WDPCP: variants seen among roughly 807,000 people sequenced by gnomAD.
WDPCP encodes the protein WD repeat-containing and planar cell polarity effector protein fritz homolog.
WDPCP carries 71 observed loss-of-function variants against 93.1 expected under a neutral mutation model. That is an observed-to-expected ratio of 0.76 (90% CI 0.63 to 0.93). The LOEUF is 0.93. WDPCP is among the 40% of genes least tolerant of loss of function. The pLI, the probability that WDPCP is intolerant of heterozygous loss-of-function variation, is 0.00. For missense variants in WDPCP, 844 were observed against 887.4 expected, an observed-to-expected ratio of 0.95 and a Z score of 0.62; for synonymous variants, 315 against 315.0, an observed-to-expected ratio of 1.00 and a Z score of 0.00.
chr2:63,220,735 C>T (rs971942167), intron 14 of WDPCP, among the ~76,000 whole-genome samples: 9 of 151,980 alleles, frequency 5.9e-5, no homozygotes, highest in African/African-American at 2.2e-4. Flanking sequence ...CCAGGATACA[C>T]GTGCAGGATG....
intron 6 of WDPCP, among the ~76,000 whole-genome samples, chr2:63,457,929 T>C (rs1698742162): frequency 6.6e-6 from 1 of 151,902 alleles, no homozygotes; most frequent in Non-Finnish European, 1.5e-5. Flanking sequence ...ATCAAGACCA[T>C]CTTGGCCAAC....
intron 13 of WDPCP, among the ~76,000 whole-genome samples, chr2:63,302,566 A>G (rs945116386): frequency 6.6e-6 from 1 of 152,236 alleles, no homozygotes; most frequent in African/African-American, 2.4e-5. Flanking sequence ...GAAGCCTGAC[A>G]TGCCAACAAA....
At chr2:63,678,456 T>G (rs968827464) in intron 2 of WDPCP, among the ~76,000 whole-genome samples, 2 of 152,220 alleles carry the variant, frequency 1.3e-5, no homozygotes, top group African/African-American at 4.8e-5. Flanking sequence ...CAGCCTCTAA[T>G]GCACAGGAAG....
intron 12 of WDPCP, among the ~76,000 whole-genome samples, chr2:63,342,356 T>C (rs1688904883): frequency 6.6e-6 from 1 of 152,186 alleles, no homozygotes; most frequent in Non-Finnish European, 1.5e-5. Context: ...AAGTATCAAA[T>C]TTAATCTATT....
intron 14 of WDPCP, chr2:63,232,795 A>G (rs1266603015): frequency 6.5e-6 from 1 of 153,782 alleles, no homozygotes; most frequent in African/African-American, 2.4e-5. Flanking sequence ...TTTAATGATA[A>G]TTATAATTGG....
At chr2:63,139,725 TG>T (rs1299145760) in intron 17 of WDPCP, among the ~76,000 whole-genome samples, 1 of 152,244 alleles carries the variant, frequency 6.6e-6, no homozygotes, top group African/African-American at 2.4e-5. Context: ...CTTTGTTAGA[TG>T]TATAGATTGT....
chr2:63,706,042 C>T (rs960332185), intron 2 of WDPCP, among the ~76,000 whole-genome samples: 21 of 152,104 alleles, frequency 1.4e-4, no homozygotes, highest in African/African-American at 5.1e-4. Flanking sequence ...ATCCCTTTAC[C>T]ATTATGTAAT....
At chr2:63,791,009 C>T (rs1009130973) in intron 2 of WDPCP, among the ~76,000 whole-genome samples, 1 of 152,130 alleles carries the variant, frequency 6.6e-6, no homozygotes, top group African/African-American at 2.4e-5. Flanking sequence ...AAGAAAGCTG[C>T]TTTCTCTTTC....
At chr2:63,277,705 A>G (rs1683194051) in intron 13 of WDPCP, among the ~76,000 whole-genome samples, 1 of 152,214 alleles carries the variant, frequency 6.6e-6, no homozygotes, top group Non-Finnish European at 1.5e-5. Context: ...GGAAAATACC[A>G]CAATCTTAAA....
At position 63,429,615 on chromosome 2, in the gene WDPCP, G is replaced by A. The variant is rs142830929; in HGVS notation, c.825+4130C>T. On this transcript the variant is annotated intron_variant, in intron 9 of 17. Coordinates refer to ENST00000272321, the MANE Select transcript of WDPCP (RefSeq NM_015910.7). ...CATAATCACTAATCATCAGAGAAAT[G>A]CAAATCAAAACCAAAATGAGATACC... 1.4e-4 allele frequency among the ~76,000 whole-genome samples: 21 copies of A among 152,192 alleles called. No homozygotes were observed. The East Asian group carries it at 2.5e-3, about 18-fold the overall frequency.
intron 2 of WDPCP, among the ~76,000 whole-genome samples, chr2:63,753,022 T>C (rs1269533877): frequency 6.6e-6 from 1 of 152,148 alleles, no homozygotes; most frequent in Admixed American, 6.5e-5. Context: ...TATTCTTTAT[T>C]GTTTTTCTGT....
At chr2:63,301,251 T>G (rs1685309626) in intron 13 of WDPCP, among the ~76,000 whole-genome samples, 1 of 152,204 alleles carries the variant, frequency 6.6e-6, no homozygotes, top group Non-Finnish European at 1.5e-5. Flanking sequence ...CATTAAAATA[T>G]CCTCCAAAGC....
chr2:63,678,518 C>A (rs529194496), intron 2 of WDPCP, among the ~76,000 whole-genome samples: 2 of 152,294 alleles, frequency 1.3e-5, no homozygotes, highest in South Asian at 4.1e-4. Context: ...GCCTACAGTA[C>A]CTGCATGGGG....
chr2:63,508,984 G>C (rs143907651), intron 1 of WDPCP, among the ~76,000 whole-genome samples: 1,762 of 152,150 alleles, frequency 0.012, 40 homozygotes, highest in African/African-American at 0.041. Context: ...AATCATAGTG[G>C]GAGACTTTAA....
At chr2:63,314,485 C>T (rs1439598425) in intron 12 of WDPCP, among the ~76,000 whole-genome samples, 1 of 152,108 alleles carries the variant, frequency 6.6e-6, no homozygotes, top group African/African-American at 2.4e-5. Flanking sequence ...TAGGATCAAA[C>T]TTAAAGGTAA....
chr2:63,794,575 T>C (rs1670589625), intron 2 of WDPCP, among the ~76,000 whole-genome samples: 1 of 152,202 alleles, frequency 6.6e-6, no homozygotes, highest in African/African-American at 2.4e-5. Context: ...CTATGACCAC[T>C]AGGAAACCAC....
intron 13 of WDPCP, among the ~76,000 whole-genome samples, chr2:63,290,247 T>TA (rs1439394741): frequency 2.6e-5 from 4 of 151,924 alleles, no homozygotes; most frequent in African/African-American, 9.6e-5. Context: ...ACATTTTTTT[T>TA]AAAATCCTCT....
intron 12 of WDPCP, among the ~76,000 whole-genome samples, chr2:63,329,709 T>A (rs1687837711): frequency 2.0e-5 from 3 of 152,340 alleles, no homozygotes; most frequent in Admixed American, 2.0e-4. Flanking sequence ...TGACTGAATT[T>A]TTTTGGTACC....
intron 2 of WDPCP, chr2:63,717,185 T>C (rs886847343): frequency 2.2e-5 from 10 of 455,508 alleles, no homozygotes; most frequent in African/African-American, 2.0e-4. Flanking sequence ...TTTTGTATTC[T>C]TGCTGTCCAG....
Sources: allele counts gnomAD v4.1 joint callset (sites outside exome capture counted in the v4.1 genomes callset), GRCh38; gene constraint gnomAD v4.1.1; transcripts MANE v1.5; gene names NCBI Gene and HGNC (gene_info 2026-07-23, HGNC 2026-07-21).